ORC6: variants seen among roughly 807,000 people sequenced by gnomAD.
ORC6 encodes origin recognition complex subunit 6.
ORC6 carries 31 observed loss-of-function variants against 30.0 expected under a neutral mutation model. The observed-to-expected ratio is 1.03, with a 90% CI of 0.78 to 1.40. The LOEUF (loss-of-function observed/expected upper bound fraction) is 1.40, where lower values mean the gene tolerates loss of function less well. Among genes scored for constraint, ORC6 ranks in the 40% most tolerant of loss-of-function variants. ORC6 has a pLI of 0.00. For synonymous variants in ORC6, 136 were observed against 111.2 expected, an observed-to-expected ratio of 1.22 and a Z score of -1.40; for missense variants, 340 against 304.3, an observed-to-expected ratio of 1.12 and a Z score of -0.87.
At position 46,696,051 on chromosome 16, in the gene ORC6, G is replaced by A. The variant is rs752817041; in HGVS notation, c.597G>A (p.Lys199=). 2.5e-6 allele frequency: 4 copies of A among 1,613,716 alleles called. No individual in the cohort carries two copies. In the East Asian group the frequency reaches 8.9e-5, roughly 36 times the overall value. ...GAGATGTAGCTACTCCACCACGGAA[G>A]AGAAAGAAGATAGTGGTTGAAGCCC... ...EPGDVATPPR[K]RKKIVVEAPA... Residue 199 remains lysine (K), a synonymous_variant, in exon 6 of 7, where the codon AAG becomes AAA. Transcript: ENST00000219097.
intron 4 of ORC6, chr16:46,695,197 T>TAAC: frequency 4.1e-6 from 1 of 246,318 alleles, no homozygotes; most frequent in Middle Eastern, 1.6e-3. Context: ...TGGGGTGGGG[T>TAAC]TGTTACATTC....
intron 3 of ORC6, 32 bp downstream of exon 3, chr16:46,692,577 G>A: frequency 1.9e-6 from 3 of 1,595,976 alleles, no homozygotes; most frequent in Admixed American, 1.7e-5. Context: ...AATTGAAAAT[G>A]TATACCAATA....
chr16:46,693,241 C>T, intron 4 of ORC6, 59 bp downstream of exon 4: 1 of 987,498 alleles, frequency 1.0e-6, no homozygotes, highest in South Asian at 1.3e-5. Context: ...TTTTTCATCC[C>T]CAAGGAATAC....
intron 1 of ORC6, 142 bp downstream of exon 1, chr16:46,689,912 T>A: frequency 4.8e-6 from 6 of 1,245,018 alleles, no homozygotes; most frequent in Non-Finnish European, 4.2e-6. Context: ...AGGGCCTACT[T>A]CAAGAAAAAC....
intron 4 of ORC6, chr16:46,694,865 A>C (rs531467848): frequency 6.6e-6 from 1 of 152,390 alleles, no homozygotes; most frequent in East Asian, 1.9e-4. Flanking sequence ...CTTAGAAAAC[A>C]AAATGTAGTT....
rs2143011238 is a variant in ORC6 at position 46,698,063 on chromosome 16, C to T, written c.*478C>T. 4.8e-6 allele frequency: 2 copies of T among 415,976 alleles called. No homozygotes were observed. The highest frequency in any genetic ancestry group is 7.2e-5 in the East Asian group (1 of 13,866). 25.8% of individuals were successfully genotyped at this position (415,976 alleles called of 1,614,324 possible). ...GTGGGAGGCAGAGGTTGCAGTGAGC[C>T]GAGATTGCACCACCGCACTCCAGCC... On this transcript the variant is annotated 3_prime_UTR_variant, in exon 7 of 7. Transcript: ENST00000219097.
At position 46,689,717 on chromosome 16, in the gene ORC6, GCTGATCGGGCGCCTAGCC is replaced by G. The variant is rs1567272535; in HGVS notation, c.14_31del (p.Leu5_Ala10del). 6.2e-7 allele frequency: 1 copy of G among 1,601,896 alleles called. No individual in the cohort carries two copies. On this transcript the variant is annotated inframe_deletion, in exon 1 of 7. Coordinates refer to ENST00000219097, the MANE Select transcript of ORC6 (RefSeq NM_014321.4). ...TTAGTGCCGGCGCCATGGGGTCGGAGCTGATCGGGCGCCTAGCCCCGCGCCTGGGCCTCGCCGAGCCCG... is the reference window on the plus strand; with the variant it reads ...TTAGTGCCGGCGCCATGGGGTCGGAGCCGCGCCTGGGCCTCGCCGAGCCCG...
intron 1 of ORC6, 135 bp downstream of exon 1, chr16:46,689,905 G>A: frequency 7.5e-7 from 1 of 1,331,500 alleles, no homozygotes; most frequent in Non-Finnish European, 9.9e-7. Flanking sequence ...GGGGTTTAGG[G>A]CCTACTTCAA....
chr16:46,691,018 C>A lies in ORC6; in HGVS notation c.93C>A (p.Ser31=). Residue 31 remains serine (S), a synonymous_variant, in exon 2 of 7, where the codon TCC becomes TCA. Transcript: ENST00000219097. The stretch of plus-strand genomic sequence containing the variant: ...AAGCAGAGGAGTACTTGCGCCTGTC[C>A]CGGGTGAAGTGTGTCGGCCTCTCCG... The part of the protein sequence containing the change: ...LRKAEEYLRL[S]RVKCVGLSAR... 1.2e-6 allele frequency: 2 copies of A among 1,614,200 alleles called. No individual in the cohort carries two copies. Among genetic ancestry groups the A allele is most frequent in the Non-Finnish European group, 1.7e-6 (2 of 1,180,026 alleles).
In ORC6 at chr16:46,694,691, A is replaced by G. The variant is rs1004902974; in HGVS notation, c.450-871A>G. The stretch of plus-strand genomic sequence containing the variant: ...AAAAAAAAACAAAACACTGGCTACA[A>G]CTGTTCTTCAAGGAATTTATAACAT... On this transcript the variant is annotated intron_variant, in intron 4 of 6. Transcript: ENST00000219097. Among the ~76,000 whole-genome samples the G allele has an allele frequency of 5.3e-5, 8 of 152,084 alleles. No homozygotes were observed. In the South Asian group the frequency reaches 1.7e-3, roughly 32 times the overall value.
intron 2 of ORC6, among the ~76,000 whole-genome samples, chr16:46,691,628 C>T (rs1216659031): frequency 1.3e-5 from 2 of 152,316 alleles, no homozygotes; most frequent in Non-Finnish European, 2.9e-5. Flanking sequence ...ACGATACACT[C>T]ATTAAATGGT....
intron 4 of ORC6, chr16:46,695,198 T>G: frequency 4.0e-6 from 1 of 249,058 alleles, no homozygotes; most frequent in Non-Finnish European, 7.8e-6. Flanking sequence ...GGGGTGGGGT[T>G]GTTACATTCC....
At chr16:46,689,977 G>A in intron 1 of ORC6, 1 of 664,098 alleles carries the variant, frequency 1.5e-6, no homozygotes, top group Non-Finnish European at 2.4e-6. Context: ...AAACGGCGAT[G>A]GCACACGTCC....
At position 46,698,228 on chromosome 16, in the gene ORC6, G is replaced by A. The variant is rs1966545214; in HGVS notation, c.*643G>A. On this transcript the variant is annotated 3_prime_UTR_variant, in exon 7 of 7. Coordinates refer to ENST00000219097, the MANE Select transcript of ORC6 (RefSeq NM_014321.4). ...AGATAGATAGATAAACGGAATTGGA[G>A]CCATTTTGCTTTAAGTGAATGGCAG... The A allele has an allele frequency of 2.2e-6, 1 of 451,528 alleles. No individual in the cohort carries two copies. Among genetic ancestry groups the A allele is most frequent in the African/African-American group, 2.1e-5 (1 of 48,076 alleles). The allele number at this position is 451,528 out of a possible 1,614,324, so 28.0% of individuals were successfully genotyped here.
rs1966400556 is a variant in ORC6, at chr16:46,689,699, C to CG, written c.-5dup. The CG allele has an allele frequency of 6.3e-7, 1 of 1,598,766 alleles. No individual in the cohort carries two copies. Among genetic ancestry groups the CG allele is most frequent in the African/African-American group, 1.3e-5 (1 of 74,804 alleles). The stretch of plus-strand genomic sequence containing the variant: ...TCACGGGAATTGTTCGCTTTAGTGC[C>CG]GGCGCCATGGGGTCGGAGCTGATCG... On this transcript the variant is annotated 5_prime_UTR_variant, in exon 1 of 7. Coordinates refer to ENST00000219097, the MANE Select transcript of ORC6 (RefSeq NM_014321.4).
At chr16:46,690,082 G>C (rs67506574) in intron 1 of ORC6, among the ~76,000 whole-genome samples, 1 of 152,098 alleles carries the variant, frequency 6.6e-6, no homozygotes, top group Admixed American at 6.5e-5. Context: ...GGTTTATAGC[G>C]GGGAACCCGA....
At chr16:46,693,236 C>A in intron 4 of ORC6, 54 bp downstream of exon 4, 1 of 1,078,864 alleles carries the variant, frequency 9.3e-7, no homozygotes, top group South Asian at 1.2e-5. Flanking sequence ...GTGGGTTTTT[C>A]ATCCCCAAGG....
chr16:46,689,821 G>A, intron 1 of ORC6, 51 bp downstream of exon 1: 1 of 1,540,372 alleles, frequency 6.5e-7, no homozygotes, highest in East Asian at 2.4e-5. Flanking sequence ...CGCGGCCCTG[G>A]GCCCTCAGGT....
At chr16:46,693,277 G>C in intron 4 of ORC6, 95 bp downstream of exon 4, 2 of 785,718 alleles carry the variant, frequency 2.5e-6, no homozygotes, top group South Asian at 1.4e-5. Context: ...TATCAATTCA[G>C]AGCATATTTT....
Sources: allele counts gnomAD v4.1 joint callset (sites outside exome capture counted in the v4.1 genomes callset), GRCh38; gene constraint gnomAD v4.1.1; transcripts MANE v1.5; gene names NCBI Gene and HGNC (gene_info 2026-07-23, HGNC 2026-07-21).